The following PRKD1 variants were observed in gnomAD, a reference collection of about 807,000 sequenced individuals.
The protein encoded by PRKD1 is serine/threonine-protein kinase D1.
PRKD1 carries 63 observed loss-of-function variants against 95.9 expected under a neutral mutation model. That is an observed-to-expected ratio of 0.66 (90% CI 0.54 to 0.81). PRKD1 has a LOEUF of 0.81. Ranked by LOEUF, PRKD1 falls within the 30% of genes least tolerant of loss-of-function variation. The pLI, the probability that PRKD1 is intolerant of heterozygous loss-of-function variation, is 0.00. For synonymous variants in PRKD1, 425 were observed against 423.1 expected, an observed-to-expected ratio of 1.00 and a Z score of -0.05; for missense variants, 1,048 against 1,165.3, an observed-to-expected ratio of 0.90 and a Z score of 1.47.
chr14:29,768,286 C>T (rs1888343152), intron 1 of PRKD1, among the ~76,000 whole-genome samples: 1 of 152,170 alleles, frequency 6.6e-6, no homozygotes, highest in Non-Finnish European at 1.5e-5. Flanking sequence ...ACATAAAGTT[C>T]CCTGCATTTC....
chr14:29,882,391 A>G (rs1893544186), intron 1 of PRKD1, among the ~76,000 whole-genome samples: 1 of 152,236 alleles, frequency 6.6e-6, no homozygotes, highest in African/African-American at 2.4e-5. Flanking sequence ...TTAAAGGCCC[A>G]AAGACTAGTC....
intron 8 of PRKD1, among the ~76,000 whole-genome samples, chr14:29,634,053 T>C (rs1880202392): frequency 6.6e-6 from 1 of 152,228 alleles, no homozygotes; most frequent in Non-Finnish European, 1.5e-5. Context: ...AAGATAGTTA[T>C]CACTGTTTTA....
chr14:29,773,424 C>T (rs1284944876), intron 1 of PRKD1, among the ~76,000 whole-genome samples: 1 of 145,062 alleles, frequency 6.9e-6, no homozygotes, highest in Non-Finnish European at 1.5e-5. Flanking sequence ...TGTGCCAATG[C>T]ACTCCAGCAT....
chr14:29,617,865 AAGGCC>A (rs1958632128), intron 13 of PRKD1, among the ~76,000 whole-genome samples: 1 of 151,836 alleles, frequency 6.6e-6, no homozygotes, highest in Admixed American at 6.6e-5. Flanking sequence ...TCAGAAGTTC[AAGGCC>A]AGTCTGGGTA....
chr14:29,876,061 T>C (rs1221138219), intron 1 of PRKD1, among the ~76,000 whole-genome samples: 1 of 152,168 alleles, frequency 6.6e-6, no homozygotes, highest in African/African-American at 2.4e-5. Context: ...AAGAACCCTA[T>C]CTCAGAAAAC....
At chr14:29,700,264 A>G (rs1884761870) in intron 2 of PRKD1, among the ~76,000 whole-genome samples, 1 of 152,094 alleles carries the variant, frequency 6.6e-6, no homozygotes, top group African/African-American at 2.4e-5. Flanking sequence ...AATATCACCT[A>G]ATTTCTACTC....
At chr14:29,778,213 C>T (rs1353353294) in intron 1 of PRKD1, among the ~76,000 whole-genome samples, 1 of 152,110 alleles carries the variant, frequency 6.6e-6, no homozygotes, top group Non-Finnish European at 1.5e-5. Flanking sequence ...ACCCTAACAT[C>T]ACAATTAAAA....
At chr14:29,652,408 G>A (rs1432852489) in intron 4 of PRKD1, among the ~76,000 whole-genome samples, 1 of 152,168 alleles carries the variant, frequency 6.6e-6, no homozygotes, top group Non-Finnish European at 1.5e-5. Flanking sequence ...TATCTGCAAG[G>A]TTTTGTTCAG....
At chr14:29,593,130 T>G (rs1893186758) in intron 16 of PRKD1, among the ~76,000 whole-genome samples, 1 of 152,186 alleles carries the variant, frequency 6.6e-6, no homozygotes, top group South Asian at 2.1e-4. Flanking sequence ...GGCTGGGTGA[T>G]TAAACGAATT....
intron 4 of PRKD1, chr14:29,652,963 T>C (rs1027730018): frequency 6.6e-6 from 1 of 152,214 alleles, no homozygotes; most frequent in African/African-American, 2.4e-5. Context: ...TAATTATAGA[T>C]AGAAAATACA....
chr14:29,607,651 T>C (rs1454746435), intron 13 of PRKD1, among the ~76,000 whole-genome samples: 1 of 152,200 alleles, frequency 6.6e-6, no homozygotes, highest in African/African-American at 2.4e-5. Context: ...TTCTCACACT[T>C]TGAATCTTTG....
chr14:29,778,578 A>G (rs911288614), intron 1 of PRKD1, among the ~76,000 whole-genome samples: 1 of 152,222 alleles, frequency 6.6e-6, no homozygotes, highest in African/African-American at 2.4e-5. Flanking sequence ...CCCTCCCAAG[A>G]CTAAACCAGG....
chr14:29,833,985 T>A (rs1891514996), intron 1 of PRKD1, among the ~76,000 whole-genome samples: 1 of 152,096 alleles, frequency 6.6e-6, no homozygotes, highest in South Asian at 2.1e-4. Context: ...GCTCACTTCC[T>A]AAAGAACATG....
intron 2 of PRKD1, among the ~76,000 whole-genome samples, chr14:29,691,703 G>C (rs574273031): frequency 5.9e-5 from 9 of 152,280 alleles, no homozygotes; most frequent in African/African-American, 2.2e-4. Flanking sequence ...TACAATAACA[G>C]CATCTCCTAC....
chr14:29,841,587 A>T (rs1186532227), intron 1 of PRKD1, among the ~76,000 whole-genome samples: 6 of 152,136 alleles, frequency 3.9e-5, no homozygotes, highest in Admixed American at 3.9e-4. Context: ...GTAAGATGTG[A>T]CTTGCTCCTT....
chr14:29,881,370 T>C (rs1185108697), intron 1 of PRKD1, among the ~76,000 whole-genome samples: 1 of 152,138 alleles, frequency 6.6e-6, no homozygotes, highest in Non-Finnish European at 1.5e-5. Context: ...CCTCCCACCA[T>C]GATTCTGAGG....
chr14:29,608,515 A>G (rs1878182874), intron 13 of PRKD1, among the ~76,000 whole-genome samples: 1 of 152,192 alleles, frequency 6.6e-6, no homozygotes, highest in Admixed American at 6.5e-5. Flanking sequence ...TAAAAAAATG[A>G]AGCCCAAATT....
intron 1 of PRKD1, among the ~76,000 whole-genome samples, chr14:29,875,258 C>A (rs112557604): frequency 2.2e-4 from 33 of 151,928 alleles, no homozygotes; most frequent in African/African-American, 8.0e-4. Flanking sequence ...CGGGGAAGTA[C>A]ACAAAAGCCC....
chr14:29,831,296 T>G (rs868285361), intron 1 of PRKD1, among the ~76,000 whole-genome samples: 1 of 152,102 alleles, frequency 6.6e-6, no homozygotes, highest in Non-Finnish European at 1.5e-5. Flanking sequence ...ATTTTCAAGT[T>G]TGGAAGAAAC....
Sources: gnomAD v4.1 joint callset for allele counts (sites outside exome capture counted in the v4.1 genomes callset) on GRCh38, gnomAD v4.1.1 for gene constraint, MANE v1.5 for transcripts, NCBI Gene and HGNC (gene_info 2026-07-23, HGNC 2026-07-21) for gene names.